Variants in ADIPOR2 observed in about 807,000 individuals in gnomAD.
ADIPOR2 encodes adiponectin receptor 2, also known as adiponectin receptor protein 2.
Under a neutral mutation model 40.9 loss-of-function variants are expected in ADIPOR2, and 18 were observed. The observed-to-expected ratio is 0.44, with a 90% CI of 0.30 to 0.65. ADIPOR2 has a LOEUF of 0.65. Among genes scored for constraint, ADIPOR2 ranks in the 30% least tolerant of loss-of-function variants. The pLI, the probability that ADIPOR2 is intolerant of heterozygous loss-of-function variation, is 0.09. For synonymous variants in ADIPOR2, 165 were observed against 166.4 expected (o/e 0.99, Z 0.06); for missense variants, 283 against 479.2 (o/e 0.59, Z 3.82).
At chr12:1,728,458 C>T (rs1282353644) in intron 1 of ADIPOR2, among the ~76,000 whole-genome samples, 1 of 151,724 alleles carries the variant, frequency 6.6e-6, no homozygotes, top group Non-Finnish European at 1.5e-5. Context: ...CGCAGTGGCT[C>T]ACGCCTGTGA....
intron 1 of ADIPOR2, among the ~76,000 whole-genome samples, chr12:1,726,801 G>A (rs141065765): frequency 2.0e-5 from 3 of 152,182 alleles, no homozygotes; most frequent in Non-Finnish European, 4.4e-5. Flanking sequence ...AGTGCCAACT[G>A]AACATTTCTG....
intron 1 of ADIPOR2, chr12:1,696,880 C>CTA (rs777718294): frequency 6.5e-6 from 1 of 153,674 alleles, no homozygotes; most frequent in Non-Finnish European, 1.5e-5. Flanking sequence ...GGACATTGAG[C>CTA]TATTACCTCT....
intron 1 of ADIPOR2, among the ~76,000 whole-genome samples, chr12:1,711,243 G>T (rs2094676207): frequency 6.6e-6 from 1 of 152,140 alleles, no homozygotes; most frequent in African/African-American, 2.4e-5. Flanking sequence ...CAAGCTGTCT[G>T]AGAAATCCTT....
chr12:1,732,828 G>A (rs1300684253), intron 1 of ADIPOR2, among the ~76,000 whole-genome samples: 2 of 152,052 alleles, frequency 1.3e-5, no homozygotes, highest in Admixed American at 1.3e-4. Flanking sequence ...ATGAGAAAAT[G>A]AATTTATTAT....
chr12:1,727,765 A>C (rs747653578), intron 1 of ADIPOR2, among the ~76,000 whole-genome samples: 12 of 151,462 alleles, frequency 7.9e-5, no homozygotes, highest in Non-Finnish European at 1.5e-4. Context: ...CAACTTCTGA[A>C]CTCACCACTT....
chr12:1,709,254 A>AT (rs1012676196), intron 1 of ADIPOR2, among the ~76,000 whole-genome samples: 3 of 152,110 alleles, frequency 2.0e-5, no homozygotes, highest in African/African-American at 7.2e-5. Context: ...GTATCTTATT[A>AT]TTTTTTAAGG....
At chr12:1,694,583 A>G (rs1388027873) in intron 1 of ADIPOR2, among the ~76,000 whole-genome samples, 1 of 152,234 alleles carries the variant, frequency 6.6e-6, no homozygotes, top group African/African-American at 2.4e-5. Context: ...TGCTATATTA[A>G]ACTTTTTGGA....
chr12:1,721,133 T>C (rs931531504), intron 1 of ADIPOR2, among the ~76,000 whole-genome samples: 1 of 151,610 alleles, frequency 6.6e-6, no homozygotes, highest in Non-Finnish European at 1.5e-5. Context: ...CCGGCCACCT[T>C]GAGCACATGT....
chr12:1,761,196 C>CT (rs951978809), intron 2 of ADIPOR2, among the ~76,000 whole-genome samples: 13 of 152,134 alleles, frequency 8.5e-5, no homozygotes, highest in African/African-American at 2.4e-5. Flanking sequence ...CAGGCATCCA[C>CT]TAGGGGTCTT....
intron 1 of ADIPOR2, among the ~76,000 whole-genome samples, chr12:1,729,231 A>G (rs868617904): frequency 1.3e-5 from 2 of 152,206 alleles, no homozygotes; most frequent in African/African-American, 4.8e-5. Context: ...ACTATATTGT[A>G]ATAAATATTG....
chr12:1,778,233 T>C (rs1862639713), intron 4 of ADIPOR2: 4 of 502,314 alleles, frequency 8.0e-6, no homozygotes, highest in Non-Finnish European at 1.3e-5. Context: ...TTATATTTCT[T>C]TCTACTAGAT....
intron 1 of ADIPOR2, chr12:1,730,748 G>A (rs899312349): frequency 6.6e-6 from 1 of 152,040 alleles, no homozygotes; most frequent in Non-Finnish European, 1.5e-5. Flanking sequence ...CATCAGTTGG[G>A]CTCATTAGCA....
At chr12:1,721,508 G>A (rs1196915632) in intron 1 of ADIPOR2, among the ~76,000 whole-genome samples, 1 of 152,224 alleles carries the variant, frequency 6.6e-6, no homozygotes, top group East Asian at 1.9e-4. Context: ...GAGCCACTGT[G>A]CCCAGCCTGC....
At chr12:1,726,918 C>T (rs772030806) in intron 1 of ADIPOR2, among the ~76,000 whole-genome samples, 3 of 152,136 alleles carry the variant, frequency 2.0e-5, no homozygotes, top group Non-Finnish European at 1.5e-5. Context: ...GCTATGTACC[C>T]AGCTGCCTAA....
rs555037571 is a variant in ADIPOR2, at chr12:1,740,716, G to C, written c.-86-13542G>C. Among the ~76,000 whole-genome samples the C allele has an allele frequency of 2.6e-5, 4 of 152,308 alleles. No individual in the cohort carries two copies. In the East Asian group the frequency reaches 7.7e-4, roughly 29 times the overall value. Reference sequence around the variant, plus strand: ...TACTGTGTGACAGATCCTGTTTTACGTATGTATGTGTGTGTACTATGTGAC... The same window carrying C: ...TACTGTGTGACAGATCCTGTTTTACCTATGTATGTGTGTGTACTATGTGAC... On this transcript the variant is annotated intron_variant, in intron 1 of 7. Transcript: ENST00000357103.
At chr12:1,778,589 A>G (rs930759687) in intron 4 of ADIPOR2, 3 of 152,242 alleles carry the variant, frequency 2.0e-5, no homozygotes, top group African/African-American at 7.2e-5. Flanking sequence ...ACATAAGAGC[A>G]AAAACTATAA....
chr12:1,745,536 G>C (rs1008163643), intron 1 of ADIPOR2, among the ~76,000 whole-genome samples: 3 of 152,286 alleles, frequency 2.0e-5, no homozygotes, highest in Admixed American at 2.0e-4. Context: ...CAAACGGGAT[G>C]AATTTTTTCC....
intron 1 of ADIPOR2, among the ~76,000 whole-genome samples, chr12:1,729,250 G>A (rs1374321890): frequency 6.6e-6 from 1 of 151,830 alleles, no homozygotes; most frequent in East Asian, 1.9e-4. Context: ...TGGAATACTG[G>A]CTTTTGTGTA....
Position 1,693,683 on chromosome 12 carries a change from G to A in ADIPOR2, c.-87+2492G>A, listed in dbSNP as rs143453643. Among the ~76,000 whole-genome samples, 718 of 151,942 alleles carry A rather than the reference G, an allele frequency of 4.7e-3. 3 individuals are homozygous for A. The highest frequency in any genetic ancestry group is 6.3e-3 in the Admixed American group (97 of 15,276). On this transcript the variant is annotated intron_variant, in intron 1 of 7. Transcript: ENST00000357103. ...CTAGTAGCTGGGATTACAGGTGTGC[G>A]CCACCAAGCCCGGCCAATTTTTTTT... is the stretch of plus-strand genomic sequence containing the variant.
Sources: allele counts gnomAD v4.1 joint callset (sites outside exome capture counted in the v4.1 genomes callset), GRCh38; gene constraint gnomAD v4.1.1; transcripts MANE v1.5; gene names NCBI Gene and HGNC (gene_info 2026-07-23, HGNC 2026-07-21).